The following ZFAT variants were observed in gnomAD, a reference collection of about 807,000 sequenced individuals.
ZFAT encodes zinc finger protein ZFAT.
ZFAT carries 64 observed loss-of-function variants against 117.7 expected under a neutral mutation model. The ratio of observed to expected loss-of-function variants is 0.54; its 90% confidence interval spans 0.44 to 0.67. The LOEUF is 0.67. Among genes scored for constraint, ZFAT ranks in the 30% least tolerant of loss-of-function variants. The pLI, the probability that ZFAT is intolerant of heterozygous loss-of-function variation, is 0.00. For synonymous variants in ZFAT, 679 were observed against 615.0 expected (o/e 1.10, Z -1.54); for missense variants, 1,433 against 1,584.5 (o/e 0.90, Z 1.62).
intron 3 of ZFAT, 136 bp from the exon 4 acceptor site, chr8:134,610,791 CACT>C: frequency 5.2e-6 from 5 of 960,004 alleles, no homozygotes; most frequent in Admixed American, 5.2e-5. Flanking sequence ...ACCACGGAAT[CACT>C]GTAGGTACCA....
intron 1 of ZFAT, among the ~76,000 whole-genome samples, chr8:134,660,627 G>C (rs770834466): frequency 2.0e-5 from 3 of 152,192 alleles, no homozygotes; most frequent in Non-Finnish European, 4.4e-5. Flanking sequence ...ACAATCTCAT[G>C]TAATGTTTTT....
At chr8:134,621,919 G>A (rs754438477) in intron 3 of ZFAT, among the ~76,000 whole-genome samples, 1 of 152,212 alleles carries the variant, frequency 6.6e-6, no homozygotes, top group Non-Finnish European at 1.5e-5. Context: ...GGAGTTAAAG[G>A]CATCTCAGCT....
chr8:134,698,451 T>G (rs933614659), intron 1 of ZFAT, among the ~76,000 whole-genome samples: 1 of 152,146 alleles, frequency 6.6e-6, no homozygotes, highest in African/African-American at 2.4e-5. Flanking sequence ...AGCCAACTAT[T>G]CAGACACTCC....
chr8:134,783,528 A>G, the ZFAT span, among the ~76,000 whole-genome samples: 1 of 152,222 alleles, frequency 6.6e-6, no homozygotes, highest in Non-Finnish European at 1.5e-5. Context: ...CTGGTGCCAA[A>G]AAGGTTGGGG....
At chr8:134,754,870 G>A in the ZFAT span, among the ~76,000 whole-genome samples, 2 of 152,102 alleles carry the variant, frequency 1.3e-5, no homozygotes, top group East Asian at 1.9e-4. Context: ...AGTCCTCTTC[G>A]CCAATGGCTT....
At chr8:134,708,900 CA>C (rs1476600551) in intron 1 of ZFAT, among the ~76,000 whole-genome samples, 5 of 152,166 alleles carry the variant, frequency 3.3e-5, no homozygotes, top group African/African-American at 1.2e-4. Flanking sequence ...TGCAGTGAGC[CA>C]AGATCACACC....
the ZFAT span, among the ~76,000 whole-genome samples, chr8:134,774,407 C>T: frequency 6.6e-6 from 1 of 152,200 alleles, no homozygotes; most frequent in Non-Finnish European, 1.5e-5. Flanking sequence ...AACTTCGCTG[C>T]TGTCTTCTTT....
chr8:134,818,155 T>TA, the ZFAT span, among the ~76,000 whole-genome samples: 3 of 152,162 alleles, frequency 2.0e-5, no homozygotes, highest in Non-Finnish European at 4.4e-5. Context: ...ATATCAAAAT[T>TA]AAAACCTTTG....
At chr8:134,663,098 G>C (rs865792678) in intron 1 of ZFAT, among the ~76,000 whole-genome samples, 1 of 152,250 alleles carries the variant, frequency 6.6e-6, no homozygotes, top group Non-Finnish European at 1.5e-5. Context: ...CTTCTGACCA[G>C]TGGTTTTCCT....
At chr8:134,567,448 CA>C in intron 10 of ZFAT, among the ~76,000 whole-genome samples, 1 of 137,784 alleles carries the variant, frequency 7.3e-6, no homozygotes, top group South Asian at 2.4e-4. Context: ...AAAACCCTAC[CA>C]ACCATCCATC....
the ZFAT span, among the ~76,000 whole-genome samples, chr8:134,828,176 TATC>T: frequency 6.6e-6 from 1 of 152,246 alleles, no homozygotes; most frequent in Admixed American, 6.5e-5. Context: ...CTTCTTTTAA[TATC>T]ATCTCTTCTT....
At chr8:134,800,281 A>G in the ZFAT span, among the ~76,000 whole-genome samples, 10,646 of 152,256 alleles carry the variant, frequency 0.07, 488 homozygotes, top group African/African-American at 0.13. Context: ...TTTTTCCTCT[A>G]TAAGCATACT....
chr8:134,727,812 T>TG, the ZFAT span, among the ~76,000 whole-genome samples: 6 of 152,228 alleles, frequency 3.9e-5, no homozygotes, highest in African/African-American at 1.2e-4. Context: ...TAAAACCCTG[T>TG]GGCTGTGTGC....
At chr8:134,569,187 T>C (rs11166599) in intron 10 of ZFAT, among the ~76,000 whole-genome samples, 60,046 of 151,870 alleles carry the variant, frequency 0.4, 12,620 homozygotes, top group Admixed American at 0.54. Context: ...ACCCAGGAGG[T>C]GGGCAGTGTC....
chr8:134,762,630 C>T, the ZFAT span, among the ~76,000 whole-genome samples: 2 of 152,198 alleles, frequency 1.3e-5, no homozygotes, highest in African/African-American at 4.8e-5. Context: ...GTGTGTCTTG[C>T]CATCTGTATC....
intron 11 of ZFAT, among the ~76,000 whole-genome samples, chr8:134,556,714 C>A (rs1823653227): frequency 1.3e-5 from 2 of 152,166 alleles, no homozygotes; most frequent in South Asian, 2.1e-4. Flanking sequence ...GAAATGAAGA[C>A]CACATACAGA....
rs1220585570 is a variant in ZFAT, at chr8:134,491,975, C to G, written c.3493-13254G>C. On this transcript the variant is annotated intron_variant, in intron 15 of 15. Transcript: ENST00000377838. ...TTTATAATTAATAACTTTCCATTTA[C>G]TTCTTGTTATTTCAGTTAGGACACT... Among the ~76,000 whole-genome samples, 3 of 150,898 alleles carry G rather than the reference C, an allele frequency of 2.0e-5. No individual in the cohort carries two copies. The East Asian group carries it at 5.8e-4, about 29-fold the overall frequency.
Position 134,478,805 on chromosome 8 carries a change from A to C in ZFAT, c.3493-84T>G, listed in dbSNP as rs1418230548. The C allele has an allele frequency of 6.7e-7, 1 of 1,497,162 alleles. No individual in the cohort carries two copies. The highest frequency in any genetic ancestry group is 1.4e-5 in the African/African-American group (1 of 72,336). The allele number at this position is 1,497,162 out of a possible 1,614,324, so 92.7% of individuals were successfully genotyped here. A position where few individuals can be genotyped will look rare whatever the true frequency, so the allele number is the denominator to read the frequency against. ...AACAAAGTCACAACTACAGTTTAGGAGGCACCAGTGCGCTGCGGGAGCACG... is the reference window on the plus strand; with the variant it reads ...AACAAAGTCACAACTACAGTTTAGGCGGCACCAGTGCGCTGCGGGAGCACG... On this transcript the variant is annotated intron_variant, in intron 15 of 15. Transcript: ENST00000377838. This position sits in a 1 kb window ranked among gnomAD's most constrained non-coding sequence, Gnocchi z 5.2.
chr8:134,598,531 T>C (rs1322473338), intron 7 of ZFAT: 2 of 152,232 alleles, frequency 1.3e-5, no homozygotes, highest in African/African-American at 4.8e-5. Context: ...CCACTGATCA[T>C]GAGGCCCAAG....
Sources: gnomAD v4.1 joint callset for allele counts (sites outside exome capture counted in the v4.1 genomes callset) on GRCh38, gnomAD v4.1.1 for gene constraint, Gnocchi (gnomAD v3.1) non-coding constraint, MANE v1.5 for transcripts, NCBI Gene and HGNC (gene_info 2026-07-23, HGNC 2026-07-21) for gene names.